The following EEFSEC variants were observed in gnomAD, a reference collection of about 807,000 sequenced individuals.
The protein encoded by EEFSEC is selenocysteine-specific elongation factor.
Under a neutral mutation model 42.1 loss-of-function variants are expected in EEFSEC, and 43 were observed. The observed-to-expected ratio is 1.02, with a 90% CI of 0.80 to 1.32. The LOEUF is 1.32. EEFSEC is among the 40% of genes most tolerant of loss of function. The pLI is 0.00. For synonymous variants in EEFSEC, 354 were observed against 339.1 expected (o/e 1.04, Z -0.48); for missense variants, 745 against 803.6 (o/e 0.93, Z 0.88).
Position 128,153,481 on chromosome 3 carries a change from G to A in EEFSEC, c.-27G>A. On this transcript the variant is annotated 5_prime_UTR_variant, in exon 1 of 7. Transcript: ENST00000254730. The stretch of plus-strand genomic sequence containing the variant: ...CCGAGGGAGGTGAGGGGCGGGCCGG[G>A]CGGGTGTCCGAGGCGGCGGCGGCGG... The A allele has an allele frequency of 6.8e-7, 1 of 1,472,226 alleles. No individual in the cohort carries two copies. The highest frequency in any genetic ancestry group is 8.9e-7 in the Non-Finnish European group (1 of 1,121,056). 91.2% of individuals were successfully genotyped at this position (1,472,226 alleles called of 1,614,324 possible).
chr3:128,399,525 A>G (rs1409090568), intron 6 of EEFSEC, among the ~76,000 whole-genome samples: 1 of 152,112 alleles, frequency 6.6e-6, no homozygotes, highest in African/African-American at 2.4e-5. Flanking sequence ...TTTTAAAGCA[A>G]ATTGCATCTT....
chr3:128,348,916 A>G (rs1261897825), intron 5 of EEFSEC, among the ~76,000 whole-genome samples: 1 of 152,248 alleles, frequency 6.6e-6, no homozygotes, highest in Admixed American at 6.5e-5. Flanking sequence ...TCATGCCTGC[A>G]TCAGAGGAAT....
At chr3:128,158,499 A>G (rs187937102) in intron 1 of EEFSEC, among the ~76,000 whole-genome samples, 114 of 152,284 alleles carry the variant, frequency 7.5e-4, no homozygotes, top group Non-Finnish European at 1.4e-3. Flanking sequence ...AGTCACCCCA[A>G]CCTTCATCAA....
chr3:128,197,120 A>G (rs961359087), intron 1 of EEFSEC, among the ~76,000 whole-genome samples: 42 of 152,194 alleles, frequency 2.8e-4, no homozygotes, highest in African/African-American at 9.9e-4. Context: ...AAATAAATAA[A>G]CACTGACTAT....
chr3:128,337,810 G>A (rs951584338), intron 4 of EEFSEC, among the ~76,000 whole-genome samples: 1 of 152,214 alleles, frequency 6.6e-6, no homozygotes, highest in Non-Finnish European at 1.5e-5. Flanking sequence ...GAGCAGACGT[G>A]TATCAATGGG....
At chr3:128,412,080 G>A (rs748141320), downstream of EEFSEC, among the ~76,000 whole-genome samples, 2 of 152,246 alleles carry the variant, frequency 1.3e-5, no homozygotes, top group Non-Finnish European at 2.9e-5. Context: ...TGTACACAGG[G>A]TGGTGGCAAG....
intron 1 of EEFSEC, among the ~76,000 whole-genome samples, chr3:128,227,539 C>T (rs1199103351): frequency 6.6e-6 from 1 of 152,150 alleles, no homozygotes; most frequent in South Asian, 2.1e-4. Flanking sequence ...AGGAGGGGCT[C>T]TCTGTGGCTT....
At position 128,223,952 on chromosome 3, in the gene EEFSEC, A is replaced by G. The variant is rs962201462; in HGVS notation, c.317-22884A>G. Among the ~76,000 whole-genome samples the G allele has an allele frequency of 1.6e-4, 24 of 151,058 alleles. 1 individual carries two copies. Among genetic ancestry groups the G allele is most frequent in the Admixed American group, 1.3e-3 (20 of 15,126 alleles). On this transcript the variant is annotated intron_variant, in intron 1 of 6. Transcript: ENST00000254730. ...TTATCCCTTTTACATTTATTATTAT[A>G]TATTTGGTCTTTTGTCATCATGTTC...
At chr3:128,286,353 G>A (rs2107976043) in intron 4 of EEFSEC, among the ~76,000 whole-genome samples, 1 of 152,348 alleles carries the variant, frequency 6.6e-6, no homozygotes, top group South Asian at 2.1e-4. Context: ...GCAGGAGGGA[G>A]TTAAACTCTA....
rs943903131 is a variant in EEFSEC at position 128,317,168 on chromosome 3, G to T, written c.787-24065G>T. On this transcript the variant is annotated intron_variant, in intron 4 of 6. Transcript: ENST00000254730. The surrounding 1 kb of genome is among the most constrained non-coding windows in gnomAD (Gnocchi z 4.1). ...ACCCTTTGGTACCAGGCCTCAATAGGGCAGCAAGGGCCCCGCAGAAGCAGT... is the reference window on the plus strand; with the variant it reads ...ACCCTTTGGTACCAGGCCTCAATAGTGCAGCAAGGGCCCCGCAGAAGCAGT... Among the ~76,000 whole-genome samples the T allele has an allele frequency of 6.6e-6, 1 of 152,134 alleles. No homozygotes were observed. Among genetic ancestry groups the T allele is most frequent in the East Asian group, 1.9e-4 (1 of 5,168 alleles).
chr3:128,170,919 T>C (rs900349914), intron 1 of EEFSEC, among the ~76,000 whole-genome samples: 5 of 152,242 alleles, frequency 3.3e-5, no homozygotes, highest in Non-Finnish European at 7.3e-5. Flanking sequence ...CAGCTGAATC[T>C]TTCCCTCTTC....
At chr3:128,205,482 C>T (rs2065688074) in intron 1 of EEFSEC, among the ~76,000 whole-genome samples, 2 of 152,128 alleles carry the variant, frequency 1.3e-5, no homozygotes, top group Admixed American at 6.5e-5. Context: ...GGGTGTGTTC[C>T]CTCCCACAAT....
At chr3:128,341,030 T>G (rs1016375408) in intron 4 of EEFSEC, among the ~76,000 whole-genome samples, 1 of 152,188 alleles carries the variant, frequency 6.6e-6, no homozygotes, top group African/African-American at 2.4e-5. Context: ...CCTGCTTTGC[T>G]GGCGGCCCTC....
At chr3:128,270,153 A>G (rs2066399084) in intron 4 of EEFSEC, among the ~76,000 whole-genome samples, 1 of 152,314 alleles carries the variant, frequency 6.6e-6, no homozygotes, top group East Asian at 1.9e-4. Context: ...TAATGTATAT[A>G]AGGTTCCTGG....
intron 4 of EEFSEC, among the ~76,000 whole-genome samples, chr3:128,313,600 C>T (rs540460921): frequency 3.0e-4 from 45 of 152,284 alleles, no homozygotes; most frequent in South Asian, 1.5e-3. Context: ...CTGACTTCAC[C>T]GCTGCCTGGT....
chr3:128,153,632 G>C lies in EEFSEC; in HGVS notation c.125G>C (p.Ser42Thr). 6.3e-7 allele frequency: 1 copy of C among 1,598,052 alleles called. No homozygotes were observed. The highest frequency in any genetic ancestry group is 2.3e-5 in the East Asian group (1 of 44,336). ...GCCGCCTTTGACAAGCAGCCGCAGA[G>C]CCGCGAGCGCGGCATCACGCTCGAT... The part of the protein sequence containing the change: ...STAAFDKQPQ[S>T]RERGITLDLG... Residue 42 changes from serine to threonine, a missense_variant, in exon 1 of 7, where the codon AGC becomes ACC. Transcript: ENST00000254730.
At chr3:128,195,969 G>A (rs1267187613) in intron 1 of EEFSEC, among the ~76,000 whole-genome samples, 1 of 152,250 alleles carries the variant, frequency 6.6e-6, no homozygotes, top group Non-Finnish European at 1.5e-5. Context: ...CTTGGGCAAT[G>A]GCATGACCCT....
chr3:128,167,434 A>C (rs1159312312), intron 1 of EEFSEC, among the ~76,000 whole-genome samples: 3 of 152,372 alleles, frequency 2.0e-5, no homozygotes, highest in Non-Finnish European at 4.4e-5. Flanking sequence ...CCAATTACCC[A>C]TGCTCTTATG....
chr3:128,267,993 G>A (rs976144253), intron 4 of EEFSEC, among the ~76,000 whole-genome samples: 1 of 152,222 alleles, frequency 6.6e-6, no homozygotes, highest in African/African-American at 2.4e-5. Flanking sequence ...GAAACAGGCT[G>A]ATAGAACAAC....
Sources: allele counts gnomAD v4.1 joint callset (sites outside exome capture counted in the v4.1 genomes callset), GRCh38; gene constraint gnomAD v4.1.1; non-coding constraint Gnocchi (gnomAD v3.1); transcripts MANE v1.5; gene names NCBI Gene and HGNC (gene_info 2026-07-23, HGNC 2026-07-21).